Variants in EDIL3 observed in about 807,000 individuals in gnomAD.
EDIL3 encodes the protein EGF like and discoidin domains 3.
In EDIL3, 37 loss-of-function variants were observed where a neutral mutation model predicts 67.4. The ratio of observed to expected loss-of-function variants is 0.55; its 90% confidence interval spans 0.42 to 0.72. The LOEUF (loss-of-function observed/expected upper bound fraction) is 0.72. EDIL3 is among the 30% of genes least tolerant of loss of function. EDIL3 has a pLI of 0.00. For synonymous variants in EDIL3, 195 were observed against 196.3 expected (o/e 0.99, Z 0.05); for missense variants, 527 against 586.3 (o/e 0.90, Z 1.04).
intron 9 of EDIL3, among the ~76,000 whole-genome samples, chr5:84,018,984 T>C (rs547456823): frequency 6.6e-6 from 1 of 152,300 alleles, no homozygotes; most frequent in African/African-American, 2.4e-5. Context: ...GAAGTCGGTG[T>C]GGCAATTCCT....
At chr5:84,352,643 G>A (rs145073809) in intron 1 of EDIL3, among the ~76,000 whole-genome samples, 3 of 152,194 alleles carry the variant, frequency 2.0e-5, no homozygotes, top group Non-Finnish European at 4.4e-5. Context: ...CCAAATGGTG[G>A]GAGGGTAGAA....
At chr5:83,955,430 C>G (rs1470723563) in intron 10 of EDIL3, among the ~76,000 whole-genome samples, 1 of 147,852 alleles carries the variant, frequency 6.8e-6, no homozygotes, top group African/African-American at 2.5e-5. Context: ...CAGAAACGTG[C>G]TAACTAGAAA....
intron 9 of EDIL3, among the ~76,000 whole-genome samples, chr5:84,031,432 C>T (rs1745921925): frequency 6.6e-6 from 1 of 152,142 alleles, no homozygotes; most frequent in Non-Finnish European, 1.5e-5. Context: ...ATTTTGGATA[C>T]ATTTTTGTGG....
intron 6 of EDIL3, among the ~76,000 whole-genome samples, chr5:84,100,958 A>C (rs1747355467): frequency 6.6e-6 from 1 of 152,104 alleles, no homozygotes; most frequent in Admixed American, 6.6e-5. Flanking sequence ...TCGCCAAAAA[A>C]AATTAGTGGA....
chr5:83,951,319 G>T (rs1744417532), intron 10 of EDIL3, among the ~76,000 whole-genome samples: 1 of 151,660 alleles, frequency 6.6e-6, no homozygotes, highest in Non-Finnish European at 1.5e-5. Flanking sequence ...ATGTAAAAAA[G>T]TAGATTTTTG....
intron 1 of EDIL3, among the ~76,000 whole-genome samples, chr5:84,334,188 C>T (rs1746938086): frequency 6.6e-6 from 1 of 151,240 alleles, no homozygotes; most frequent in South Asian, 2.1e-4. Flanking sequence ...TAGCCTCCTG[C>T]GTAGCTGAGA....
At chr5:84,310,522 T>C (rs1746365124) in intron 1 of EDIL3, among the ~76,000 whole-genome samples, 1 of 152,206 alleles carries the variant, frequency 6.6e-6, no homozygotes. Context: ...ATGCCCTAGA[T>C]GACAGGCAAG....
intron 9 of EDIL3, among the ~76,000 whole-genome samples, chr5:83,969,636 T>C (rs897459989): frequency 2.0e-5 from 3 of 151,978 alleles, no homozygotes; most frequent in African/African-American, 4.8e-5. Context: ...GAACCTGGCA[T>C]TTGAAATGTG....
chr5:84,141,906 CATATATATATATATATACACATAT>C lies in EDIL3; in HGVS notation c.356-4576_356-4553del, dbSNP rs1412325420. Among the ~76,000 whole-genome samples, 864 of 96,732 alleles carry C rather than the reference CATATATATATATATATACACATAT, an allele frequency of 8.9e-3. 16 individuals carry two copies. The highest frequency in any genetic ancestry group is 0.03 in the African/African-American group (835 of 27,594). The allele number at this position is 96,732 out of a possible 152,430, so 63.5% of individuals were successfully genotyped here. A position where few individuals can be genotyped will look rare whatever the true frequency, so the allele number is the denominator to read the frequency against. On this transcript the variant is annotated intron_variant, in intron 4 of 10. Transcript: ENST00000296591. ...CTACTCCAGTAATTGACAAACTACT[CATATATATATATATATACACATAT>C]ATATATATATATATATACATAGATC...
intron 6 of EDIL3, among the ~76,000 whole-genome samples, chr5:84,071,407 T>C (rs1746738721): frequency 6.6e-6 from 1 of 152,184 alleles, no homozygotes; most frequent in Admixed American, 6.5e-5. Flanking sequence ...AAATGTAGTC[T>C]AATGGAGAAC....
intron 10 of EDIL3, among the ~76,000 whole-genome samples, chr5:83,962,210 A>T (rs138500366): frequency 0.012 from 1,753 of 151,622 alleles, 36 homozygotes; most frequent in African/African-American, 0.04. Flanking sequence ...TAATGCAATA[A>T]CCATAAGGAA....
At chr5:84,333,096 C>A (rs1017029457) in intron 1 of EDIL3, among the ~76,000 whole-genome samples, 3 of 152,092 alleles carry the variant, frequency 2.0e-5, no homozygotes, top group African/African-American at 7.2e-5. Flanking sequence ...TAAATGCCCA[C>A]CCTTTCATAA....
At chr5:84,334,474 C>A (rs992000034) in intron 1 of EDIL3, among the ~76,000 whole-genome samples, 1 of 152,148 alleles carries the variant, frequency 6.6e-6, no homozygotes, top group Non-Finnish European at 1.5e-5. Context: ...ATCAAATCAT[C>A]CCCATATAGA....
At position 84,214,723 on chromosome 5, in the gene EDIL3, G is replaced by GTT. The variant is rs1015168791; in HGVS notation, c.226+15130_226+15131dup. On this transcript the variant is annotated intron_variant, in intron 3 of 10. Transcript: ENST00000296591. ...TATAAGGAAGAACTAAGTGTGGTTT[G>GTT]TTTTTTTTTTTAGAGACAGAGTCTT... Among the ~76,000 whole-genome samples, 33 of 143,320 alleles carry GTT rather than the reference G, an allele frequency of 2.3e-4. No individual in the cohort carries two copies. In the East Asian group the frequency reaches 5.2e-3, roughly 23 times the overall value. 94.0% of individuals were successfully genotyped at this position (143,320 alleles called of 152,430 possible).
intron 10 of EDIL3, among the ~76,000 whole-genome samples, chr5:83,958,412 G>A (rs957245593): frequency 2.6e-5 from 4 of 151,470 alleles, no homozygotes; most frequent in African/African-American, 4.8e-5. Context: ...ATGAATATAC[G>A]TGTGATTCCT....
At chr5:83,983,742 CTTTTTTTTT>C (rs550782079) in intron 9 of EDIL3, among the ~76,000 whole-genome samples, 1 of 126,932 alleles carries the variant, frequency 7.9e-6, no homozygotes, top group Admixed American at 8.0e-5. Flanking sequence ...CAGGGACTTT[CTTTTTTTTT>C]TTTTTTTTCA....
intron 3 of EDIL3, among the ~76,000 whole-genome samples, chr5:84,193,825 C>T (rs1190188127): frequency 6.6e-6 from 1 of 151,852 alleles, no homozygotes; most frequent in African/African-American, 2.4e-5. Context: ...TCTTATGTAA[C>T]ACCTCTCTGT....
At chr5:83,988,291 A>G (rs1344948341) in intron 9 of EDIL3, among the ~76,000 whole-genome samples, 1 of 152,184 alleles carries the variant, frequency 6.6e-6, no homozygotes, top group Non-Finnish European at 1.5e-5. Flanking sequence ...AAGAAAACTA[A>G]TCATACTTTT....
intron 9 of EDIL3, among the ~76,000 whole-genome samples, chr5:83,972,230 C>A (rs1744805592): frequency 1.3e-5 from 2 of 152,086 alleles, no homozygotes; most frequent in African/African-American, 4.8e-5. Context: ...ACTCTGTCTG[C>A]AAATGGGAAT....
Sources: allele counts gnomAD v4.1 joint callset (sites outside exome capture counted in the v4.1 genomes callset), GRCh38; gene constraint gnomAD v4.1.1; transcripts MANE v1.5; gene names NCBI Gene and HGNC (gene_info 2026-07-23, HGNC 2026-07-21).